The following TNXB variants were observed in gnomAD, a reference collection of about 807,000 sequenced individuals.
TNXB encodes the protein tenascin XB.
Under a neutral mutation model 340.5 loss-of-function variants are expected in TNXB, and 183 were observed. The ratio of observed to expected loss-of-function variants is 0.54; its 90% confidence interval spans 0.48 to 0.61. The LOEUF is 0.61. TNXB is among the 20% of genes least tolerant of loss of function. TNXB has a pLI of 0.00. For missense variants in TNXB, 4,613 were observed against 5,446.4 expected, an observed-to-expected ratio of 0.85 and a Z score of 4.82; for synonymous variants, 2,121 against 2,314.5, an observed-to-expected ratio of 0.92 and a Z score of 2.40.
At position 32,073,755 on chromosome 6, in the gene TNXB, G is replaced by T. The variant is rs779751914; in HGVS notation, c.4573C>A (p.Arg1525=). The T allele has an allele frequency of 6.2e-7, 1 of 1,612,306 alleles. No homozygotes were observed. Among genetic ancestry groups the T allele is most frequent in the Non-Finnish European group, 8.5e-7 (1 of 1,179,518 alleles). Residue 1525 remains arginine, a synonymous_variant, in exon 12 of 44, where the codon CGA becomes AGA. Transcript: ENST00000644971. The surrounding 1 kb of genome is among the most constrained non-coding windows in gnomAD (Gnocchi z 4.6). ...PQVVPVAADQ[R]EVTVYNLEPE... is the part of the protein sequence containing the mutation. ...TCCAGGTTGTAGACTGTGACCTCTC[G>T]CTGGTCTGCCGCCACCGGCACCACC...
At position 32,060,644 on chromosome 6, in the gene TNXB, T is replaced by C. The variant is rs145424781; in HGVS notation, c.7492+753A>G. Among the ~76,000 whole-genome samples the C allele has an allele frequency of 1.3e-3, 193 of 152,064 alleles. 1 individual carries two copies. The highest frequency in any genetic ancestry group is 3.4e-3 in the Middle Eastern group (1 of 294). ...GCATCCTTACAAAAATTTGGGCTCCTTTTTCTTCTTTTTTGAGACTGAGTT... is the reference window on the plus strand; with the variant it reads ...GCATCCTTACAAAAATTTGGGCTCCCTTTTCTTCTTTTTTGAGACTGAGTT... On this transcript the variant is annotated intron_variant, in intron 21 of 43. Coordinates refer to ENST00000644971, the MANE Select transcript of TNXB (RefSeq NM_001365276.2).
At chr6:32,099,478 C>CG (rs1780600544) in intron 1 of TNXB, among the ~76,000 whole-genome samples, 1 of 152,054 alleles carries the variant, frequency 6.6e-6, no homozygotes, top group African/African-American at 2.4e-5. Flanking sequence ...GTGATGTGCC[C>CG]GCCTTGGCCT....
chr6:32,059,347 A>C (rs1777872339), intron 21 of TNXB, among the ~76,000 whole-genome samples: 1 of 147,580 alleles, frequency 6.8e-6, no homozygotes, highest in Non-Finnish European at 1.5e-5. Flanking sequence ...TGAACCTGGG[A>C]GGCAGAGGTT....
At position 32,070,536 on chromosome 6, in the gene TNXB, C is replaced by T. The variant is rs532615212; in HGVS notation, c.4991-122G>A. The T allele has an allele frequency of 2.8e-6, 3 of 1,075,762 alleles. No individual in the cohort carries two copies. Among genetic ancestry groups the T allele is most frequent in the African/African-American group, 3.2e-5 (2 of 62,864 alleles). The allele number at this position is 1,075,762 out of a possible 1,614,324, so 66.6% of individuals were successfully genotyped here. On this transcript the variant is annotated intron_variant, in intron 13 of 43. Coordinates refer to ENST00000644971, the MANE Select transcript of TNXB (RefSeq NM_001365276.2). This position sits in a 1 kb window ranked among gnomAD's most constrained non-coding sequence, Gnocchi z 6.0. ...GTGCTTCCCCAAAATATTTCCATCACCTCCCATCCTCACCACCATCTCCGT... is the reference window on the plus strand; with the variant it reads ...GTGCTTCCCCAAAATATTTCCATCATCTCCCATCCTCACCACCATCTCCGT...
intron 11 of TNXB, among the ~76,000 whole-genome samples, chr6:32,076,874 T>C (rs562853174): frequency 6.6e-6 from 1 of 151,684 alleles, no homozygotes; most frequent in East Asian, 1.9e-4. Flanking sequence ...CCCAGCTACT[T>C]GGGGGGCTGA....
In TNXB at chr6:32,081,271, G is replaced by T; in HGVS notation, c.4042+97C>A. ...TGGAGGCTTTGGCAAAATGAGCTGAGAAGGCGAAGATGGAGGGAGGCTGGA... is the reference window on the plus strand; with the variant it reads ...TGGAGGCTTTGGCAAAATGAGCTGATAAGGCGAAGATGGAGGGAGGCTGGA... On this transcript the variant is annotated intron_variant, in intron 10 of 43. Coordinates refer to ENST00000644971, the MANE Select transcript of TNXB (RefSeq NM_001365276.2). This position sits in a 1 kb window ranked among gnomAD's most constrained non-coding sequence, Gnocchi z 5.1. 7.9e-7 allele frequency: 1 copy of T among 1,269,912 alleles called. No homozygotes were observed. The highest frequency in any genetic ancestry group is 1.1e-6 in the Non-Finnish European group (1 of 926,824). The allele number at this position is 1,269,912 out of a possible 1,614,324, so 78.7% of individuals were successfully genotyped here.
In TNXB at chr6:32,067,758, G is replaced by C. The variant is rs755560129; in HGVS notation, c.6447C>G (p.Thr2149=). Residue 2149 remains threonine, a synonymous_variant, in exon 18 of 44, where the codon ACC becomes ACG. Transcript: ENST00000644971. The surrounding 1 kb of genome is among the most constrained non-coding windows in gnomAD (Gnocchi z 4.2). ...VRVGGEESEV[T]VGGLEPGRKY... ...TGCGCCCAGGCTCCAGGCCCCCCAC[G>C]GTGACTTCACTCTCCTCGCCCCCAA... The C allele has an allele frequency of 3.7e-6, 6 of 1,613,712 alleles. No homozygotes were observed. Among genetic ancestry groups the C allele is most frequent in the Non-Finnish European group, 5.1e-6 (6 of 1,179,878 alleles).
In TNXB at chr6:32,058,305, C is replaced by T; in HGVS notation, c.7578G>A (p.Gly2526=). Residue 2526 remains glycine (G), a synonymous_variant, in exon 22 of 44, where the codon GGG becomes GGA. Coordinates refer to ENST00000644971, the MANE Select transcript of TNXB (RefSeq NM_001365276.2). This position sits in a 1 kb window ranked among gnomAD's most constrained non-coding sequence, Gnocchi z 5.1. ...APGPPEEPLL[G]ELTVTGSSPD... The stretch of plus-strand genomic sequence containing the variant: ...GGGAGGATCCTGTCACTGTCAGCTC[C>T]CCCAGGAGAGGCTCCTCGGGGGGCC... The T allele has an allele frequency of 6.2e-7, 1 of 1,611,906 alleles. No homozygotes were observed. Among genetic ancestry groups the T allele is most frequent in the Non-Finnish European group, 8.5e-7 (1 of 1,179,544 alleles).
At position 32,046,362 on chromosome 6, in the gene TNXB, C is replaced by T; in HGVS notation, c.10419G>A (p.Gln3473=). Residue 3473 remains glutamine, a synonymous_variant, in exon 31 of 44, where the codon CAG becomes CAA. Transcript: ENST00000644971. This position sits in a 1 kb window ranked among gnomAD's most constrained non-coding sequence, Gnocchi z 6.9. ...SSLRLSWTVA[Q]GPFDSFVVQY... ...GGACCACGAAGGAGTCAAAGGGGCC[C>T]TGGGCTACCGTCCAGGACAGGCGCA... The T allele has an allele frequency of 1.2e-6, 2 of 1,604,600 alleles. No homozygotes were observed. The highest frequency in any genetic ancestry group is 1.7e-6 in the Non-Finnish European group (2 of 1,176,816).
chr6:32,062,412 G>T lies in TNXB; in HGVS notation c.6913C>A (p.Arg2305Ser), dbSNP rs185625145. 8 of 1,613,146 alleles carry T rather than the reference G, an allele frequency of 5.0e-6. No individual in the cohort carries two copies. Among genetic ancestry groups the T allele is most frequent in the Non-Finnish European group, 6.8e-6 (8 of 1,179,860 alleles). The change falls in exon 20 of 44, where the codon CGC becomes AGC. Residue 2305 changes from arginine (R) to serine (S), a missense_variant. Around this residue, in one of 7 missense-constraint regions of TNXB, gnomAD observed 4,327 missense variants for 4,859.4 expected, o/e 0.89. Transcript: ENST00000644971. The surrounding 1 kb of genome is among the most constrained non-coding windows in gnomAD (Gnocchi z 4.3). ...PPTPEPPIKP[R>S]LEELTVTDAT... is the part of the protein sequence containing the mutation. Reference sequence around the variant, plus strand: ...TCTGTCACGGTCAGCTCCTCCAGGCGAGGCTTGATGGGGGGTTCAGGGGTG... The same window carrying T: ...TCTGTCACGGTCAGCTCCTCCAGGCTAGGCTTGATGGGGGGTTCAGGGGTG...
chr6:32,050,059 C>T lies in TNXB; in HGVS notation c.9378G>A (p.Met3126Ile). 2 of 1,613,820 alleles carry T rather than the reference C, an allele frequency of 1.2e-6. No individual in the cohort carries two copies. The highest frequency in any genetic ancestry group is 1.7e-5 in the Admixed American group (1 of 60,038). The change falls in exon 27 of 44, where the codon ATG becomes ATA. Residue 3126 changes from methionine to isoleucine, a missense_variant. Met to Ile is a conservative substitution (Grantham distance 10). Transcript: ENST00000644971. The stretch of plus-strand genomic sequence containing the variant: ...GGCCACCGTGGAAGCCGTACAGGTT[C>T]ATCTTGTATTTATGGTCTGGCTCCA... ...SGLEPDHKYK[M>I]NLYGFHGGQR...
At position 32,082,744 on chromosome 6, in the gene TNXB, G is replaced by C. The variant is rs953005686; in HGVS notation, c.3446-418C>G. On this transcript the variant is annotated intron_variant, in intron 8 of 43. Transcript: ENST00000644971. This position sits in a 1 kb window ranked among gnomAD's most constrained non-coding sequence, Gnocchi z 5.0. ...CTGGCTTCTTCTCCAAGAGAGGAGAGCACAATCCTTGAAGCGTTTTAACGT... is the reference window on the plus strand; with the variant it reads ...CTGGCTTCTTCTCCAAGAGAGGAGACCACAATCCTTGAAGCGTTTTAACGT... Among the ~76,000 whole-genome samples, 1 of 152,150 alleles carries C rather than the reference G, an allele frequency of 6.6e-6. No individual in the cohort carries two copies. The highest frequency in any genetic ancestry group is 2.4e-5 in the African/African-American group (1 of 41,424).
chr6:32,088,531 T>C (rs1582458322), intron 6 of TNXB, among the ~76,000 whole-genome samples: 1 of 151,426 alleles, frequency 6.6e-6, no homozygotes, highest in Non-Finnish European at 1.5e-5. Flanking sequence ...GCATCTCCTA[T>C]TCACTTCTCT....
rs1489500063 is a variant in TNXB at position 32,051,566 on chromosome 6, T to G, written c.9115+1104A>C. Among the ~76,000 whole-genome samples the G allele has an allele frequency of 2.6e-5, 4 of 152,056 alleles. No individual in the cohort carries two copies. Among genetic ancestry groups the G allele is most frequent in the Non-Finnish European group, 5.9e-5 (4 of 68,004 alleles). ...TCAATGGATGAAAGGATGAGCAAAG[T>G]GTGGTCTGTATGTGTAAAACGAAAC... is the stretch of plus-strand genomic sequence containing the variant. On this transcript the variant is annotated intron_variant, in intron 26 of 43. Coordinates refer to ENST00000644971, the MANE Select transcript of TNXB (RefSeq NM_001365276.2). The surrounding 1 kb of genome is among the most constrained non-coding windows in gnomAD (Gnocchi z 4.7).
chr6:32,098,071 G>C lies in TNXB; in HGVS notation c.128C>G (p.Pro43Arg). Reference sequence around the variant, plus strand: ...TCCAGCCCCCACTGTGTGGCCCCCTGGCTGGGGAGGGGGCCGGGGGGCTGG... The same window carrying C: ...TCCAGCCCCCACTGTGTGGCCCCCTCGCTGGGGAGGGGGCCGGGGGGCTGG... ...TLPAPRPPPQPGGHTVGAGVG... is the reference protein window; with the variant it reads ...TLPAPRPPPQRGGHTVGAGVG... The change falls in exon 2 of 44, where the codon CCA becomes CGA. Residue 43 changes from proline to arginine, a missense_variant. Physicochemically the swap from Pro to Arg is moderately radical, Grantham distance 103. Transcript: ENST00000644971. 6.2e-7 allele frequency: 1 copy of C among 1,605,964 alleles called. No homozygotes were observed. Among genetic ancestry groups the C allele is most frequent in the Non-Finnish European group, 8.5e-7 (1 of 1,177,272 alleles).
In TNXB at chr6:32,081,756, G is replaced by T; in HGVS notation, c.3737-83C>A. 2.4e-6 allele frequency: 2 copies of T among 829,482 alleles called. No homozygotes were observed. The highest frequency in any genetic ancestry group is 3.8e-6 in the Non-Finnish European group (2 of 530,332). The allele number at this position is 829,482 out of a possible 1,614,324, so 51.4% of individuals were successfully genotyped here. On this transcript the variant is annotated intron_variant, in intron 9 of 43. Transcript: ENST00000644971. The surrounding 1 kb of genome is among the most constrained non-coding windows in gnomAD (Gnocchi z 5.1). ...GGTTTCGACGGGATGTCACACCTAT[G>T]GGGGGTGGGGGGTCACTAGTCCATT...
intron 4 of TNXB, among the ~76,000 whole-genome samples, 183 bp downstream of exon 4, chr6:32,094,893 C>T (rs1780243893): frequency 6.6e-6 from 1 of 152,198 alleles, no homozygotes; most frequent in Non-Finnish European, 1.5e-5. Context: ...CCAATGCTTG[C>T]TGGAGATGCT....
At position 32,056,101 on chromosome 6, in the gene TNXB, C is replaced by A; in HGVS notation, c.8217G>T (p.Leu2739=). The change falls in exon 24 of 44, where the codon CTG becomes CTT. Residue 2739 remains leucine, a synonymous_variant. Coordinates refer to ENST00000644971, the MANE Select transcript of TNXB (RefSeq NM_001365276.2). ...EAPEPPEEPL[L]GELTVTGSSP... is the part of the protein sequence containing the mutation. ...AGGATCCTGTCACTGTCAGCTCCCC[C>A]AGGAGCGGCTCCTCAGGGGGCTCCG... 2 of 1,612,708 alleles carry A rather than the reference C, an allele frequency of 1.2e-6. No homozygotes were observed. Among genetic ancestry groups the A allele is most frequent in the East Asian group, 2.2e-5 (1 of 44,882 alleles).
chr6:32,089,327 G>C lies in TNXB; in HGVS notation c.2411C>G (p.Ala804Gly). The change falls in exon 5 of 44, where the codon GCC (alanine) becomes GGC (glycine). Residue 804 changes from alanine to glycine, a missense_variant. Around this residue, in one of 7 missense-constraint regions of TNXB, gnomAD observed 4,327 missense variants for 4,859.4 expected, o/e 0.89. Transcript: ENST00000644971. The surrounding 1 kb of genome is among the most constrained non-coding windows in gnomAD (Gnocchi z 6.2). ...FTARVPSSAS[A>G]YDQRGLAPGQ... ...AGGGGCCAGTCCTCTCTGGTCATAG[G>C]CTGAGGCAGAGCTTGGAACCCGTGC... 6.2e-7 allele frequency: 1 copy of C among 1,608,246 alleles called. No homozygotes were observed. The highest frequency in any genetic ancestry group is 8.5e-7 in the Non-Finnish European group (1 of 1,178,290).
Sources: gnomAD v4.1 joint callset for allele counts (sites outside exome capture counted in the v4.1 genomes callset) on GRCh38, gnomAD v4.1.1 for gene constraint, gnomAD v4.1.1 regional missense constraint, Gnocchi (gnomAD v3.1) non-coding constraint, MANE v1.5 for transcripts, NCBI Gene and HGNC (gene_info 2026-07-23, HGNC 2026-07-21) for gene names.